The following ZNF71 variants were observed in gnomAD, a reference collection of about 807,000 sequenced individuals.
The protein encoded by ZNF71 is endothelial zinc finger protein induced by tumor necrosis factor alpha.
A neutral mutation model predicts 6.7 loss-of-function variants in ZNF71; 3 were observed. The ratio of observed to expected loss-of-function variants is 0.45; its 90% CI spans 0.20 to 1.16. ZNF71 has a LOEUF of 1.16. Ranked by LOEUF, ZNF71 falls within the 50% of genes most tolerant of loss-of-function variation. The pLI is 0.25. For synonymous variants in ZNF71, 343 were observed against 311.1 expected, an observed-to-expected ratio of 1.10 and a Z score of -1.08; for missense variants, 688 against 728.6, an observed-to-expected ratio of 0.94 and a Z score of 0.64.
chr19:56,601,062 C>T (rs536540399), intron 1 of ZNF71, among the ~76,000 whole-genome samples: 4 of 152,162 alleles, frequency 2.6e-5, no homozygotes, highest in Admixed American at 1.3e-4. Flanking sequence ...GCAGGGTGTC[C>T]GGTGGCCCTC....
At position 56,607,132 on chromosome 19, in the gene ZNF71, A is replaced by G. The variant is rs538520059; in HGVS notation, c.33+5541A>G. Reference sequence around the variant, plus strand: ...ATGGTTGAATTTTTACCCCCTAAACAGGAATTCTAGATCAATGGTATCTAA... The same window carrying G: ...ATGGTTGAATTTTTACCCCCTAAACGGGAATTCTAGATCAATGGTATCTAA... On this transcript the variant is annotated intron_variant, in intron 2 of 3. Coordinates refer to ENST00000599599, the MANE Select transcript of ZNF71 (RefSeq NM_001370215.1). 2.4e-3 allele frequency among the ~76,000 whole-genome samples: 359 copies of G among 152,318 alleles called. 2 individuals carry two copies. The highest frequency in any genetic ancestry group is 3.6e-3 in the Non-Finnish European group (247 of 68,018).
intron 1 of ZNF71, among the ~76,000 whole-genome samples, chr19:56,596,543 C>T (rs866606031): frequency 6.6e-6 from 1 of 152,174 alleles, no homozygotes; most frequent in East Asian, 1.9e-4. Flanking sequence ...CTGCCTCCCA[C>T]AGGATCTTCT....
rs895909835 is a variant in ZNF71 at position 56,603,246 on chromosome 19, T to G, written c.33+1655T>G. The stretch of plus-strand genomic sequence containing the variant: ...TTTTCCCCCATCAGTCCACGGCCCC[T>G]GGCAACCAGTAATCAGCTTTCTGTC... On this transcript the variant is annotated intron_variant, in intron 2 of 3. Coordinates refer to ENST00000599599, the MANE Select transcript of ZNF71 (RefSeq NM_001370215.1). The surrounding 1 kb of genome is among the most constrained non-coding windows in gnomAD (Gnocchi z 4.6). 6.6e-6 allele frequency among the ~76,000 whole-genome samples: 1 copy of G among 152,190 alleles called. No homozygotes were observed.
chr19:56,601,922 A>G (rs2044673935), intron 2 of ZNF71, among the ~76,000 whole-genome samples: 1 of 152,234 alleles, frequency 6.6e-6, no homozygotes, highest in Admixed American at 6.5e-5. Context: ...ATGGGCAAAC[A>G]CACTAAATGC....
At chr19:56,615,045 C>T (rs1182017890) in intron 3 of ZNF71, among the ~76,000 whole-genome samples, 1 of 151,956 alleles carries the variant, frequency 6.6e-6, no homozygotes, top group Non-Finnish European at 1.5e-5. Flanking sequence ...TTGAGATTCA[C>T]CCATGTCATT....
intron 2 of ZNF71, among the ~76,000 whole-genome samples, chr19:56,602,356 G>T (rs916497059): frequency 2.5e-4 from 38 of 152,150 alleles, no homozygotes; most frequent in African/African-American, 8.9e-4. Flanking sequence ...GGGTATTTTT[G>T]AGGTATTTTG....
At chr19:56,619,444 T>A (rs2148019205) in intron 3 of ZNF71, among the ~76,000 whole-genome samples, 1 of 152,338 alleles carries the variant, frequency 6.6e-6, no homozygotes. Context: ...TTTTACTAAG[T>A]CTCTTTGATG....
Position 56,598,030 on chromosome 19 carries a change from C to CTGAAAG in ZNF71, c.-53+2606_-53+2611dup, listed in dbSNP as rs2044639073. Among the ~76,000 whole-genome samples, 1 of 152,330 alleles carries CTGAAAG rather than the reference C, an allele frequency of 6.6e-6. No homozygotes were observed. Among genetic ancestry groups the CTGAAAG allele is most frequent in the Admixed American group, 6.5e-5 (1 of 15,302 alleles). ...TTGTCCTAGATGTCGGAAATACAAT[C>CTGAAAG]TGAAAGTGATCATCCCTGCTCCCTG... is the stretch of plus-strand genomic sequence containing the variant. On this transcript the variant is annotated intron_variant, in intron 1 of 3. Coordinates refer to ENST00000599599, the MANE Select transcript of ZNF71 (RefSeq NM_001370215.1). This position sits in a 1 kb window ranked among gnomAD's most constrained non-coding sequence, Gnocchi z 4.2.
chr19:56,595,853 T>TTGTGTGTGTGTGTGTGTGTGTG (rs60371305), intron 1 of ZNF71, among the ~76,000 whole-genome samples: 14 of 137,586 alleles, frequency 1.0e-4, no homozygotes, highest in South Asian at 2.5e-4. Context: ...GTGTGTGTGT[T>TTGTGTGTGTGTGTGTGTGTGTG]TGTGTGTGTG....
chr19:56,622,382 G>A lies in ZNF71; in HGVS notation c.1275G>A (p.Lys425=). 6.2e-7 allele frequency: 1 copy of A among 1,613,858 alleles called. No individual in the cohort carries two copies. ...ECSECGKAFS[K]NSSLTQHQRI... ...GCGAGTGCGGCAAGGCCTTCAGCAA[G>A]AACTCCTCGCTCACGCAGCACCAGC... Residue 425 remains lysine (K), a synonymous_variant, in exon 4 of 4, where the codon AAG becomes AAA. Coordinates refer to ENST00000599599, the MANE Select transcript of ZNF71 (RefSeq NM_001370215.1).
At chr19:56,608,646 C>T (rs2044727681) in intron 2 of ZNF71, among the ~76,000 whole-genome samples, 3 of 152,124 alleles carry the variant, frequency 2.0e-5, no homozygotes, top group African/African-American at 7.2e-5. Context: ...CACCCTGGCA[C>T]AGTGAAGGGG....
At chr19:56,607,846 C>G (rs893755555) in intron 2 of ZNF71, among the ~76,000 whole-genome samples, 16 of 152,184 alleles carry the variant, frequency 1.1e-4, no homozygotes, top group Non-Finnish European at 1.9e-4. Flanking sequence ...GGCTGTGGCT[C>G]AAGATCTTCA....
At position 56,621,714 on chromosome 19, in the gene ZNF71, T is replaced by A; in HGVS notation, c.607T>A (p.Ser203Thr). Reference protein sequence around the residue: ...SECGKAFSRSSSLIKHQRIHT... With the variant: ...SECGKAFSRSTSLIKHQRIHT... ...GTGTGGCAAGGCCTTTAGCCGAAGCTCGTCCCTGATAAAGCACCAAAGGAT... is the reference window on the plus strand; with the variant it reads ...GTGTGGCAAGGCCTTTAGCCGAAGCACGTCCCTGATAAAGCACCAAAGGAT... Residue 203 changes from serine to threonine, a missense_variant, in exon 4 of 4, where the codon TCG becomes ACG. By Grantham distance (58) the Ser-to-Thr change is moderately conservative. Coordinates refer to ENST00000599599, the MANE Select transcript of ZNF71 (RefSeq NM_001370215.1). The A allele has an allele frequency of 1.9e-6, 3 of 1,613,976 alleles. No homozygotes were observed. In the South Asian group the frequency reaches 3.3e-5, roughly 18 times the overall value.
In ZNF71 at chr19:56,622,096, AC is replaced by A. The variant is rs1429331980; in HGVS notation, c.990del (p.Tyr330Ter). 1 of 1,612,578 alleles carries A rather than the reference AC, an allele frequency of 6.2e-7. No homozygotes were observed. ...CGCACGCACACCGGGGAGAAGCCGT[AC>A]GTGTGCCCCGAGTGCGGGCGAGCCT... ...HQRTHTGEKPYVCPECGRAFS... is the reference protein window; with the variant it reads ...HQRTHTGEKPXVCPECGRAFS... On this transcript the variant is annotated frameshift_variant, in exon 4 of 4. Transcript: ENST00000599599. LOFTEE classifies it low-confidence loss of function (END_TRUNC).
At chr19:56,600,782 A>C (rs1333238430) in intron 1 of ZNF71, among the ~76,000 whole-genome samples, 1 of 152,152 alleles carries the variant, frequency 6.6e-6, no homozygotes, top group Non-Finnish European at 1.5e-5. Flanking sequence ...AGGGATGTTA[A>C]GATATCTCTC....
At chr19:56,602,986 T>C (rs776110826) in intron 2 of ZNF71, among the ~76,000 whole-genome samples, 24 of 152,358 alleles carry the variant, frequency 1.6e-4, no homozygotes, top group Admixed American at 3.9e-4. Flanking sequence ...CTTTTGAATC[T>C]ACCTGTAATT....
chr19:56,608,245 A>G (rs915031686), intron 2 of ZNF71, among the ~76,000 whole-genome samples: 1 of 152,052 alleles, frequency 6.6e-6, no homozygotes, highest in Non-Finnish European at 1.5e-5. Flanking sequence ...GATCTTGTAA[A>G]ACTGAAACTC....
chr19:56,606,365 A>G (rs1269662750), intron 2 of ZNF71, among the ~76,000 whole-genome samples: 1 of 152,182 alleles, frequency 6.6e-6, no homozygotes, highest in East Asian at 1.9e-4. Context: ...ATTGATCTAG[A>G]ATTCCTGTTT....
intron 2 of ZNF71, among the ~76,000 whole-genome samples, chr19:56,610,719 A>G (rs763746248): frequency 3.3e-5 from 5 of 152,360 alleles, no homozygotes; most frequent in Middle Eastern, 3.4e-3. Context: ...CTGTTCTCCT[A>G]TCAGGAGTGT....
Sources: allele counts gnomAD v4.1 joint callset (sites outside exome capture counted in the v4.1 genomes callset), GRCh38; gene constraint gnomAD v4.1.1; non-coding constraint Gnocchi (gnomAD v3.1); transcripts MANE v1.5; gene names NCBI Gene and HGNC (gene_info 2026-07-23, HGNC 2026-07-21).